The following TSPAN4 variants were observed in gnomAD, a reference collection of about 807,000 sequenced individuals.
TSPAN4 encodes tetraspanin 4, also known as tetraspanin-4.
Under a neutral mutation model 31.5 loss-of-function variants are expected in TSPAN4, and 38 were observed. The observed-to-expected ratio is 1.21, with a 90% CI of 0.93 to 1.58. TSPAN4 has a LOEUF of 1.58. Ranked by LOEUF, TSPAN4 falls within the 40% of genes most tolerant of loss-of-function variation. TSPAN4 has a pLI of 0.00. For synonymous variants in TSPAN4, 186 were observed against 144.6 expected (o/e 1.29, Z -2.06); for missense variants, 330 against 317.3 (o/e 1.04, Z -0.30).
intron 3 of TSPAN4, chr11:859,470 TCACACGC>T: frequency 3.5e-5 from 1 of 28,270 alleles, no homozygotes; most frequent in African/African-American, 1.5e-4. Context: ...CACCCCGGGC[TCACACGC>T]ACCCCGGGCT....
chr11:853,432 G>A (rs1847868241), intron 3 of TSPAN4, among the ~76,000 whole-genome samples: 1 of 152,194 alleles, frequency 6.6e-6, no homozygotes, highest in Non-Finnish European at 1.5e-5. Flanking sequence ...GGCAGCCTGG[G>A]GGCCTACCTG....
intron 4 of TSPAN4, chr11:862,985 CA>C (rs1848553744): frequency 2.0e-6 from 1 of 499,744 alleles, no homozygotes; most frequent in Admixed American, 3.8e-5. Flanking sequence ...TGTACCTTGT[CA>C]GGGGCCTCCC....
rs973299079 is a variant in TSPAN4 at position 862,924 on chromosome 11, G to C, written c.255+183G>C. On this transcript the variant is annotated intron_variant, in intron 4 of 8. Transcript: ENST00000397397. ...TGTTGGGTCTTCCAGGCCACACTGGGGCTGGGGGGTGATTTGCAGAGCGGT... is the reference window on the plus strand; with the variant it reads ...TGTTGGGTCTTCCAGGCCACACTGGCGCTGGGGGGTGATTTGCAGAGCGGT... The C allele has an allele frequency of 1.3e-5, 8 of 635,384 alleles. No individual in the cohort carries two copies. The African/African-American group carries it at 1.3e-4, about 10-fold the overall frequency. The allele number at this position is 635,384 out of a possible 1,614,324, so 39.4% of individuals were successfully genotyped here. A position where few individuals can be genotyped will look rare whatever the true frequency, so the allele number is the denominator to read the frequency against.
At chr11:864,380 G>A (rs2134065428) in intron 4 of TSPAN4, 57 bp from the exon 5 acceptor site, 1 of 1,594,022 alleles carries the variant, frequency 6.3e-7, no homozygotes, top group Non-Finnish European at 8.6e-7. Flanking sequence ...CTGGCATGCT[G>A]TGGGGCGGAG....
rs567184065 is a variant in TSPAN4, at chr11:865,735, G to C, written c.474G>C (p.Glu158Asp). The change falls in exon 7 of 9, where the codon GAG (glutamate) becomes GAC (aspartate). Residue 158 changes from glutamate (E) to aspartate (D), a missense_variant. Glu to Asp is a conservative substitution (Grantham distance 45). Coordinates refer to ENST00000397397, the MANE Select transcript of TSPAN4 (RefSeq NM_003271.5). ...TCTCCAACTACACTGACTGGTTCGA[G>C]GTGTACAACGCCACGCGGGTACCTG... ...CGVSNYTDWF[E>D]VYNATRVPDS... The C allele has an allele frequency of 1.2e-6, 2 of 1,613,442 alleles. No homozygotes were observed. Among genetic ancestry groups the C allele is most frequent in the Non-Finnish European group, 1.7e-6 (2 of 1,179,952 alleles).
Position 859,086 on chromosome 11 carries a change from CGGCTCACACGCACCCCCG to C in TSPAN4, c.64-3453_64-3436del, listed in dbSNP as rs1361544866. On this transcript the variant is annotated intron_variant, in intron 3 of 8. Transcript: ENST00000397397. ...TTGCACCCCCGGCACACATGCACCC[CGGCTCACACGCACCCCCG>C]GGCTCACACGTGCCCTGGCTCACAC... 6.6e-5 allele frequency among the ~76,000 whole-genome samples: 9 copies of C among 136,684 alleles called. No homozygotes were observed. In the South Asian group the frequency reaches 1.5e-3, roughly 23 times the overall value. The allele number at this position is 136,684 out of a possible 152,430, so 89.7% of individuals were successfully genotyped here.
In TSPAN4 at chr11:846,407, C is replaced by T. The variant is rs192797357; in HGVS notation, c.-117-794C>T. 4.1e-3 allele frequency among the ~76,000 whole-genome samples: 622 copies of T among 152,348 alleles called. 1 individual carries two copies. The highest frequency in any genetic ancestry group is 0.01 in the Middle Eastern group (3 of 294). On this transcript the variant is annotated intron_variant, in intron 1 of 8. Coordinates refer to ENST00000397397, the MANE Select transcript of TSPAN4 (RefSeq NM_003271.5). ...GGATGTCTCTTTTGGGGCTCTCGCT[C>T]AGCCAGGGTTGGGGTGGAGGCTCTA...
At position 850,386 on chromosome 11, in the gene TSPAN4, G is replaced by A. The variant is rs542910691; in HGVS notation, c.63+19G>A. 8.2e-6 allele frequency: 13 copies of A among 1,594,408 alleles called. No homozygotes were observed. Among genetic ancestry groups the A allele is most frequent in the Middle Eastern group, 1.7e-4 (1 of 6,046 alleles). Reference sequence around the variant, plus strand: ...CTTCTGGGTGAGTCCGGGGGCCGGGGTGGGGGCCCGGGAAAGACCCGGGGT... The same window carrying A: ...CTTCTGGGTGAGTCCGGGGGCCGGGATGGGGGCCCGGGAAAGACCCGGGGT... On this transcript the variant is annotated intron_variant, in intron 3 of 8. Transcript: ENST00000397397.
At chr11:851,106 A>G (rs1590229732) in intron 3 of TSPAN4, among the ~76,000 whole-genome samples, 1 of 151,972 alleles carries the variant, frequency 6.6e-6, no homozygotes, top group African/African-American at 2.4e-5. Flanking sequence ...ACAGGGTTCC[A>G]CCCCACCCCA....
chr11:852,166 C>T (rs934538134), intron 3 of TSPAN4, among the ~76,000 whole-genome samples: 3 of 152,128 alleles, frequency 2.0e-5, no homozygotes, highest in Admixed American at 6.6e-5. Context: ...CTTGCTCTGT[C>T]GCCTGGAGTG....
At chr11:865,416 C>A (rs964230219) in intron 5 of TSPAN4, 97 bp from the exon 6 acceptor site, 15 of 942,732 alleles carry the variant, frequency 1.6e-5, no homozygotes, top group Non-Finnish European at 2.1e-5. Context: ...CAAGACCAGG[C>A]GCAGGAGGGG....
chr11:861,478 C>A (rs1404122835), intron 3 of TSPAN4, among the ~76,000 whole-genome samples: 2 of 151,880 alleles, frequency 1.3e-5, no homozygotes, highest in Non-Finnish European at 2.9e-5. Flanking sequence ...TTTGGGAGGT[C>A]GAGGTGGGTG....
At chr11:856,248 C>T (rs1848038462) in intron 3 of TSPAN4, among the ~76,000 whole-genome samples, 1 of 152,242 alleles carries the variant, frequency 6.6e-6, no homozygotes, top group Non-Finnish European at 1.5e-5. Context: ...TTGGGCAGAG[C>T]CATCAGTTGC....
chr11:852,273 A>C (rs1161796852), intron 3 of TSPAN4, among the ~76,000 whole-genome samples: 2 of 151,908 alleles, frequency 1.3e-5, no homozygotes, highest in Admixed American at 1.3e-4. Flanking sequence ...ACAGGCGCGC[A>C]TCACCACGCC....
intron 3 of TSPAN4, among the ~76,000 whole-genome samples, chr11:856,279 G>A (rs1012715479): frequency 1.3e-5 from 2 of 152,240 alleles, no homozygotes; most frequent in African/African-American, 4.8e-5. Flanking sequence ...CAGGGTGAGC[G>A]AGTGTCTGAT....
In TSPAN4 at chr11:845,059, G is replaced by C. The variant is rs149837525; in HGVS notation, c.-117-2142G>C. Among the ~76,000 whole-genome samples the C allele has an allele frequency of 1.6e-3, 248 of 152,302 alleles. 1 individual carries two copies. Among genetic ancestry groups the C allele is most frequent in the Non-Finnish European group, 2.9e-3 (194 of 68,002 alleles). ...TTCCCTGTCTGTAAAGCTCAGGTGG[G>C]ATCAGAAACTGCCCGCCCGGAGGGC... On this transcript the variant is annotated intron_variant, in intron 1 of 8. Coordinates refer to ENST00000397397, the MANE Select transcript of TSPAN4 (RefSeq NM_003271.5).
chr11:861,644 G>T (rs540552997), intron 3 of TSPAN4, among the ~76,000 whole-genome samples: 1 of 152,084 alleles, frequency 6.6e-6, no homozygotes, highest in Non-Finnish European at 1.5e-5. Context: ...CCCGGGAGGC[G>T]GAGGTTGCAG....
Position 848,768 on chromosome 11 carries a change from A to ACAC in TSPAN4, c.-18+1470_-18+1472dup. 1.9e-6 allele frequency: 1 copy of ACAC among 530,122 alleles called. No homozygotes were observed. The highest frequency in any genetic ancestry group is 2.5e-5 in the South Asian group (1 of 39,908). 32.8% of individuals were successfully genotyped at this position (530,122 alleles called of 1,614,324 possible). ...TGGGCCACGTGCTGATATCTTCCCA[A>ACAC]CACCGCAGGGCCCTTGTGCCCTGTG... is the stretch of plus-strand genomic sequence containing the variant. On this transcript the variant is annotated intron_variant, in intron 2 of 8. Transcript: ENST00000397397. This position sits in a 1 kb window ranked among gnomAD's most constrained non-coding sequence, Gnocchi z 5.7.
chr11:863,449 C>T (rs1397042900), intron 4 of TSPAN4: 1 of 152,290 alleles, frequency 6.6e-6, no homozygotes, highest in African/African-American at 2.4e-5. Context: ...TCGCCTCAGC[C>T]AGTCCACTCC....
Sources: allele counts gnomAD v4.1 joint callset (sites outside exome capture counted in the v4.1 genomes callset), GRCh38; gene constraint gnomAD v4.1.1; non-coding constraint Gnocchi (gnomAD v3.1); transcripts MANE v1.5; gene names NCBI Gene and HGNC (gene_info 2026-07-23, HGNC 2026-07-21).